The following GAPVD1 variants were observed in gnomAD, a reference collection of about 807,000 sequenced individuals.
GAPVD1 encodes GTPase activating protein and VPS9 domains 1.
GAPVD1 carries 35 observed loss-of-function variants against 155.5 expected under a neutral mutation model. That is an observed-to-expected ratio of 0.23 (90% confidence interval 0.17 to 0.30). The LOEUF (loss-of-function observed/expected upper bound fraction) is 0.30, where lower values mean the gene tolerates loss of function less well. Among genes scored for constraint, GAPVD1 ranks in the 10% least tolerant of loss-of-function variants. The pLI, the probability that GAPVD1 is intolerant of heterozygous loss-of-function variation, is 1.00. For missense variants in GAPVD1, 1,429 were observed against 1,775.7 expected (o/e 0.80, Z 3.51); for synonymous variants, 636 against 619.7 (o/e 1.03, Z -0.39).
At chr9:125,293,849 ATTTTATATATATATATATAT>A (rs1839164627) in intron 2 of GAPVD1, among the ~76,000 whole-genome samples, 1 of 48,532 alleles carries the variant, frequency 2.1e-5, no homozygotes, top group African/African-American at 1.1e-4. Context: ...ATAAAAATAT[ATTTTATATATATATATATAT>A]ATATATATAT....
At chr9:125,337,856 T>A (rs16928096) in intron 17 of GAPVD1, among the ~76,000 whole-genome samples, 3,011 of 152,242 alleles carry the variant, frequency 0.02, 106 homozygotes, top group African/African-American at 0.069. Context: ...CCTTACAATA[T>A]CTTTCTGAGA....
chr9:125,282,699 A>G (rs1351611672), intron 2 of GAPVD1, among the ~76,000 whole-genome samples: 1 of 151,454 alleles, frequency 6.6e-6, no homozygotes, highest in Non-Finnish European at 1.5e-5. Context: ...TTTATACTTT[A>G]GTTATCTTAC....
chr9:125,269,420 A>G (rs1379083872), intron 2 of GAPVD1, among the ~76,000 whole-genome samples: 1 of 151,758 alleles, frequency 6.6e-6, no homozygotes, highest in African/African-American at 2.4e-5. Context: ...AACTACCTAA[A>G]CTTGTGCTTG....
chr9:125,350,466 C>A, intron 22 of GAPVD1, 62 bp downstream of exon 22: 1 of 1,056,484 alleles, frequency 9.5e-7, no homozygotes, highest in Non-Finnish European at 1.5e-6. Context: ...TATGAAATTG[C>A]CAGTATTCAG....
chr9:125,341,471 T>C, intron 18 of GAPVD1: 1 of 454,520 alleles, frequency 2.2e-6, no homozygotes, highest in Non-Finnish European at 3.9e-6. Flanking sequence ...GAAGTGATAG[T>C]GGTTTCATAA....
chr9:125,291,491 A>G (rs569081727), intron 2 of GAPVD1, among the ~76,000 whole-genome samples: 9 of 152,168 alleles, frequency 5.9e-5, no homozygotes, highest in Non-Finnish European at 1.3e-4. Context: ...AAAAACAGGA[A>G]GCAGGTGAAG....
chr9:125,350,755 C>A lies in GAPVD1; in HGVS notation c.3452C>A (p.Ala1151Glu). 1 of 1,571,790 alleles carries A rather than the reference C, an allele frequency of 6.4e-7. No individual in the cohort carries two copies. Among genetic ancestry groups the A allele is most frequent in the Non-Finnish European group, 8.8e-7 (1 of 1,141,804 alleles). Residue 1151 changes from alanine to glutamate, a missense_variant, in exon 23 of 28, where the codon GCA becomes GAA. This residue lies in a region of GAPVD1 where 699 missense variants were observed against 826.0 expected (regional missense o/e 0.85). Coordinates refer to ENST00000297933, the MANE Select transcript of GAPVD1 (RefSeq NM_001282680.3). ...VCFLKVQIAE[A>E]INLQDKNLMA... is the part of the protein sequence containing the mutation. ...TTCTTAAAAGTTCAAATAGCTGAAG[C>A]AATTAATTTACAAGATAAGAATCTA...
intron 1 of GAPVD1, chr9:125,263,642 A>G (rs1002841178): frequency 1.5e-5 from 16 of 1,073,320 alleles, no homozygotes; most frequent in Non-Finnish European, 2.1e-5. Context: ...TTGGCTGCTG[A>G]CCCAGCCCCA....
intron 13 of GAPVD1, among the ~76,000 whole-genome samples, chr9:125,330,517 A>G (rs766064164): frequency 6.6e-6 from 1 of 152,036 alleles, no homozygotes; most frequent in Non-Finnish European, 1.5e-5. Flanking sequence ...GGGTTTCACC[A>G]TGTTGGCCAG....
chr9:125,362,050 T>A (rs1851004824), intron 27 of GAPVD1, among the ~76,000 whole-genome samples: 1 of 152,180 alleles, frequency 6.6e-6, no homozygotes, highest in Admixed American at 6.5e-5. Flanking sequence ...CTAGTTCCTG[T>A]GTAGAGCCAG....
chr9:125,335,415 C>T (rs1317494385), intron 15 of GAPVD1, among the ~76,000 whole-genome samples: 4 of 151,636 alleles, frequency 2.6e-5, no homozygotes, highest in East Asian at 1.9e-4. Context: ...CGGTGGCTCA[C>T]GCCCATAATC....
rs1318966824 is a variant in GAPVD1, at chr9:125,350,704, T to C, written c.3410-9T>C. ...CAAGAATAACAGAATTCTTGTATCT[T>C]TTATTTAGACAATGAAATTGTATGC... On this transcript the variant is annotated splice_polypyrimidine_tract_variant and intron_variant, in intron 22 of 27. Coordinates refer to ENST00000297933, the MANE Select transcript of GAPVD1 (RefSeq NM_001282680.3). 2.1e-6 allele frequency: 3 copies of C among 1,460,774 alleles called. No homozygotes were observed. The highest frequency in any genetic ancestry group is 2.9e-6 in the Non-Finnish European group (3 of 1,047,488). 90.5% of individuals were successfully genotyped at this position (1,460,774 alleles called of 1,614,324 possible).
chr9:125,347,810 A>G (rs764023395), intron 20 of GAPVD1, among the ~76,000 whole-genome samples: 6 of 152,154 alleles, frequency 3.9e-5, no homozygotes, highest in Non-Finnish European at 7.3e-5. Context: ...AGAATCTCCC[A>G]ACAAACTGGT....
Position 125,302,175 on chromosome 9 carries a change from A to C in GAPVD1, c.378A>C (p.Gln126His). 4 of 1,613,766 alleles carry C rather than the reference A, an allele frequency of 2.5e-6. No homozygotes were observed. The highest frequency in any genetic ancestry group is 3.4e-6 in the Non-Finnish European group (4 of 1,179,756). ...AGAAACTTAATCAGGAGAACACACAAAGTGTTATTTACACAGTTTTTACCT... is the reference window on the plus strand; with the variant it reads ...AGAAACTTAATCAGGAGAACACACACAGTGTTATTTACACAGTTTTTACCT... ...AGEKLNQENT[Q>H]SVIYTVFTSL... The change falls in exon 5 of 28, where the codon CAA becomes CAC. Residue 126 changes from glutamine (Q) to histidine (H), a missense_variant. Physicochemically the swap from Gln to His is conservative, Grantham distance 24. This residue lies in a region of GAPVD1 where 628 missense variants were observed against 733.4 expected (regional missense o/e 0.86). Coordinates refer to ENST00000297933, the MANE Select transcript of GAPVD1 (RefSeq NM_001282680.3).
Position 125,302,108 on chromosome 9 carries a change from G to A in GAPVD1, c.311G>A (p.Arg104Lys). 1 of 1,613,866 alleles carries A rather than the reference G, an allele frequency of 6.2e-7. No individual in the cohort carries two copies. Among genetic ancestry groups the A allele is most frequent in the Non-Finnish European group, 8.5e-7 (1 of 1,179,934 alleles). Residue 104 changes from arginine to lysine, a missense_variant, in exon 5 of 28, where the codon AGG becomes AAG. By Grantham distance (26) the Arg-to-Lys change is conservative. Transcript: ENST00000297933. ...TATGGAGAATTCTTGAGTCGATTGA[G>A]GGAAAATCCTCGTCTTATTGCCTCC... The part of the protein sequence containing the change: ...TAYGEFLSRL[R>K]ENPRLIASSL...
At chr9:125,350,180 T>G in intron 21 of GAPVD1, 115 bp from the exon 22 acceptor site, 4 of 664,214 alleles carry the variant, frequency 6.0e-6, no homozygotes, top group Non-Finnish European at 1.0e-5. Flanking sequence ...ATCATCTTCT[T>G]TAAAATGTTT....
chr9:125,361,510 T>A lies in GAPVD1; in HGVS notation c.4242+785T>A, dbSNP rs181757395. Among the ~76,000 whole-genome samples, 11 of 150,894 alleles carry A rather than the reference T, an allele frequency of 7.3e-5. No individual in the cohort carries two copies. In the East Asian group the frequency reaches 1.8e-3, roughly 24 times the overall value. ...CTGCACTCCAGCCTGGGCAACAGAG[T>A]GAGACTCCATCTTAAAAAAAAAAAA... is the stretch of plus-strand genomic sequence containing the variant. On this transcript the variant is annotated intron_variant, in intron 27 of 27. Transcript: ENST00000297933.
intron 5 of GAPVD1, among the ~76,000 whole-genome samples, 183 bp downstream of exon 5, chr9:125,303,009 C>G (rs79020498): frequency 6.6e-6 from 1 of 152,024 alleles, no homozygotes; most frequent in East Asian, 1.9e-4. Context: ...AAAATTATTG[C>G]GGTCACAAAA....
chr9:125,340,051 C>T (rs1349245677), intron 17 of GAPVD1, among the ~76,000 whole-genome samples: 1 of 152,168 alleles, frequency 6.6e-6, no homozygotes, highest in Admixed American at 6.6e-5. Context: ...GATGGAGTCT[C>T]ACTCTGTCGC....
Sources: gnomAD v4.1 joint callset for allele counts (sites outside exome capture counted in the v4.1 genomes callset) on GRCh38, gnomAD v4.1.1 for gene constraint, gnomAD v4.1.1 regional missense constraint, MANE v1.5 for transcripts, NCBI Gene and HGNC (gene_info 2026-07-23, HGNC 2026-07-21) for gene names.